Variants in PLCL1 observed in about 807,000 individuals in gnomAD.
PLCL1 encodes the protein inactive phospholipase C-like protein 1.
In PLCL1, 41 loss-of-function variants were observed where a neutral mutation model predicts 84.4. The ratio of observed to expected loss-of-function variants is 0.49; its 90% CI spans 0.38 to 0.63. PLCL1 has a LOEUF of 0.63. Among genes scored for constraint, PLCL1 ranks in the 30% least tolerant of loss-of-function variants. PLCL1 has a pLI of 0.00. For synonymous variants in PLCL1, 490 were observed against 488.3 expected, an observed-to-expected ratio of 1.00 and a Z score of -0.05; for missense variants, 1,206 against 1,367.8, an observed-to-expected ratio of 0.88 and a Z score of 1.87.
At position 197,886,411 on chromosome 2, in the gene PLCL1, CAAAAAAAAAAAAAAAAAAAAAAAA is replaced by C. The variant is rs61183744; in HGVS notation, c.240+81090_240+81113del. ...TGGGCAACAGAATGAGACTCTGTCT[CAAAAAAAAAAAAAAAAAAAAAAAA>C]AAAAAAAAAAAAAAAAAGTAAAATT... On this transcript the variant is annotated intron_variant, in intron 1 of 5. Coordinates refer to ENST00000428675, the MANE Select transcript of PLCL1 (RefSeq NM_006226.4). 1.4e-4 allele frequency among the ~76,000 whole-genome samples: 11 copies of C among 77,092 alleles called. 1 individual carries two copies. In the East Asian group the frequency reaches 2.2e-3, roughly 16 times the overall value. 50.6% of individuals were successfully genotyped at this position (77,092 alleles called of 152,430 possible). A position where few individuals can be genotyped will look rare whatever the true frequency, so the allele number is the denominator to read the frequency against.
At chr2:198,004,782 A>G (rs1342430664) in intron 1 of PLCL1, among the ~76,000 whole-genome samples, 1 of 152,230 alleles carries the variant, frequency 6.6e-6, no homozygotes, top group African/African-American at 2.4e-5. Flanking sequence ...ATATGAAATT[A>G]TAGCATTTTT....
At position 198,083,938 on chromosome 2, in the gene PLCL1, C is replaced by CT; in HGVS notation, c.423dup (p.Gln142SerfsTer18). 6.2e-7 allele frequency: 1 copy of CT among 1,614,128 alleles called. No individual in the cohort carries two copies. Among genetic ancestry groups the CT allele is most frequent in the Non-Finnish European group, 8.5e-7 (1 of 1,179,982 alleles). Reference sequence around the variant, plus strand: ...CCGTTTTTTCACTCTGGACACAGACCTTCAAGCTCTTCGCTGGGAACCTTC... The same window carrying CT: ...CCGTTTTTTCACTCTGGACACAGACCTTTCAAGCTCTTCGCTGGGAACCTTC... On this transcript the variant is annotated frameshift_variant, in exon 2 of 6. Transcript: ENST00000428675. LOFTEE classifies it high-confidence loss of function.
intron 1 of PLCL1, among the ~76,000 whole-genome samples, chr2:198,062,510 C>T (rs1692227412): frequency 6.6e-6 from 1 of 152,028 alleles, no homozygotes; most frequent in African/African-American, 2.4e-5. Context: ...TATTATATTG[C>T]AATACCCTTC....
At chr2:197,930,936 GACAGTT>G (rs1688918809) in intron 1 of PLCL1, among the ~76,000 whole-genome samples, 1 of 152,146 alleles carries the variant, frequency 6.6e-6, no homozygotes, top group African/African-American at 2.4e-5. Context: ...AAAAGTGGTA[GACAGTT>G]ACTCTTTACT....
chr2:197,847,021 A>G (rs1405246366), intron 1 of PLCL1, among the ~76,000 whole-genome samples: 1 of 152,076 alleles, frequency 6.6e-6, no homozygotes, highest in Admixed American at 6.6e-5. Context: ...GTTTGCATGA[A>G]TGGTATGTAC....
intron 1 of PLCL1, among the ~76,000 whole-genome samples, chr2:197,902,248 C>T (rs913962872): frequency 2.6e-5 from 4 of 152,120 alleles, no homozygotes; most frequent in African/African-American, 9.7e-5. Flanking sequence ...GCTTGTTGCT[C>T]TTGTGAATCT....
intron 5 of PLCL1, among the ~76,000 whole-genome samples, chr2:198,124,739 A>G (rs1321404935): frequency 1.3e-5 from 2 of 152,104 alleles, no homozygotes; most frequent in African/African-American, 2.4e-5. Context: ...TTCAGAGTTT[A>G]TGTTCTTATG....
intron 1 of PLCL1, among the ~76,000 whole-genome samples, chr2:197,838,050 C>G (rs1691225162): frequency 6.6e-6 from 1 of 151,976 alleles, no homozygotes; most frequent in African/African-American, 2.4e-5. Context: ...TATAAAGTTT[C>G]TTTCCTCAGC....
intron 1 of PLCL1, among the ~76,000 whole-genome samples, chr2:197,825,008 T>C (rs1316931684): frequency 2.0e-5 from 3 of 152,160 alleles, no homozygotes; most frequent in African/African-American, 7.2e-5. Flanking sequence ...TTGCCTTTTT[T>C]TTCTGCAGGT....
At chr2:198,035,243 G>C (rs1691528335) in intron 1 of PLCL1, among the ~76,000 whole-genome samples, 1 of 152,212 alleles carries the variant, frequency 6.6e-6, no homozygotes, top group African/African-American at 2.4e-5. Context: ...GTTGGATTAA[G>C]ATTAGCAATA....
intron 3 of PLCL1, among the ~76,000 whole-genome samples, chr2:198,091,063 T>C (rs983208149): frequency 1.3e-5 from 2 of 152,214 alleles, no homozygotes; most frequent in South Asian, 2.1e-4. Context: ...GAAATACTTA[T>C]AATGAAGTCT....
intron 1 of PLCL1, among the ~76,000 whole-genome samples, chr2:197,968,043 G>T (rs1488886928): frequency 1.3e-5 from 2 of 152,088 alleles, no homozygotes; most frequent in Non-Finnish European, 2.9e-5. Flanking sequence ...GAGCTTAATT[G>T]TCTTTCACTT....
At chr2:197,974,754 T>C (rs1270211587) in intron 1 of PLCL1, among the ~76,000 whole-genome samples, 1 of 152,214 alleles carries the variant, frequency 6.6e-6, no homozygotes, top group Non-Finnish European at 1.5e-5. Context: ...AGAATGCCGT[T>C]GGGGGAAATT....
chr2:197,962,387 A>T (rs1395049239), intron 1 of PLCL1, among the ~76,000 whole-genome samples: 1 of 152,138 alleles, frequency 6.6e-6, no homozygotes, highest in Non-Finnish European at 1.5e-5. Context: ...TCTTCAACTC[A>T]GAGTTCTTCT....
At chr2:197,960,417 A>G (rs551304656) in intron 1 of PLCL1, among the ~76,000 whole-genome samples, 1 of 152,250 alleles carries the variant, frequency 6.6e-6, no homozygotes, top group African/African-American at 2.4e-5. Context: ...TAGCCTCATT[A>G]CTTCCCCACT....
At chr2:197,822,814 A>G (rs1690845061) in intron 1 of PLCL1, among the ~76,000 whole-genome samples, 1 of 152,132 alleles carries the variant, frequency 6.6e-6, no homozygotes, top group Admixed American at 6.5e-5. Context: ...CTGTATTTCT[A>G]CAAATGTAAC....
chr2:197,905,609 C>T (rs1311193941), intron 1 of PLCL1, among the ~76,000 whole-genome samples: 1 of 152,174 alleles, frequency 6.6e-6, no homozygotes, highest in Admixed American at 6.5e-5. Flanking sequence ...TGGGTATATA[C>T]CCAGTAATGG....
At chr2:198,051,505 T>C (rs949610329) in intron 1 of PLCL1, among the ~76,000 whole-genome samples, 2 of 152,168 alleles carry the variant, frequency 1.3e-5, no homozygotes, top group African/African-American at 2.4e-5. Flanking sequence ...TTGTTTACAC[T>C]TTAAGAATAT....
At position 197,881,521 on chromosome 2, in the gene PLCL1, C is replaced by CTGTGTGTGTGTGTGTGTGTG. The variant is rs112582985; in HGVS notation, c.240+76200_240+76201insTGTGTGTGTGTGTGTGTGTG. Among the ~76,000 whole-genome samples, 160 of 151,016 alleles carry CTGTGTGTGTGTGTGTGTGTG rather than the reference C, an allele frequency of 1.1e-3. 4 individuals carry two copies. In the South Asian group the frequency reaches 0.014, roughly 13 times the overall value. On this transcript the variant is annotated intron_variant, in intron 1 of 5. Transcript: ENST00000428675. ...TCTGTCTGGAAGAAGGAACAGTGCT[C>CTGTGTGTGTGTGTGTGTGTG]TGTGTGTGTGTGTGTGTGAGCTAGT...
Sources: gnomAD v4.1 joint callset for allele counts (sites outside exome capture counted in the v4.1 genomes callset) on GRCh38, gnomAD v4.1.1 for gene constraint, MANE v1.5 for transcripts, NCBI Gene and HGNC (gene_info 2026-07-23, HGNC 2026-07-21) for gene names.